MRS2: variants seen among roughly 807,000 people sequenced by gnomAD.
MRS2 encodes magnesium transporter MRS2 homolog, mitochondrial.
Under a neutral mutation model 52.6 loss-of-function variants are expected in MRS2, and 40 were observed. That is an observed-to-expected ratio of 0.76 (90% CI 0.59 to 0.99). The LOEUF (loss-of-function observed/expected upper bound fraction) is 0.99. Ranked by LOEUF, MRS2 falls within the 50% of genes least tolerant of loss-of-function variation. The pLI, the probability that MRS2 is intolerant of heterozygous loss-of-function variation, is 0.00. For synonymous variants in MRS2, 193 were observed against 195.9 expected, an observed-to-expected ratio of 0.98 and a Z score of 0.13; for missense variants, 472 against 532.7, an observed-to-expected ratio of 0.89 and a Z score of 1.12.
Position 24,425,935 on chromosome 6 carries a change from T to C in MRS2, c.*2241T>C, listed in dbSNP as rs979717960. 1 of 152,216 alleles carries C rather than the reference T, an allele frequency of 6.6e-6. No individual in the cohort carries two copies. The highest frequency in any genetic ancestry group is 2.4e-5 in the African/African-American group (1 of 41,462). 9.4% of individuals were successfully genotyped at this position (152,216 alleles called of 1,614,324 possible). Reference sequence around the variant, plus strand: ...TAAAGTTGCACGTTGGATTTAACTCTCATGACTTTAGTAATACCTACAGAG... The same window carrying C: ...TAAAGTTGCACGTTGGATTTAACTCCCATGACTTTAGTAATACCTACAGAG... On this transcript the variant is annotated 3_prime_UTR_variant, in exon 11 of 11. Coordinates refer to ENST00000378386, the MANE Select transcript of MRS2 (RefSeq NM_020662.4).
chr6:24,412,255 C>G lies in MRS2; in HGVS notation c.448C>G (p.Leu150Val), dbSNP rs776786340. ...LKAVITPECL[L>V]ILDYRNLNLE... ...AGCTGTGATAACTCCAGAGTGTCTT[C>G]TGATATTAGATTATCGTAATTTAAA... The change falls in exon 5 of 11, where the codon CTG becomes GTG. Residue 150 changes from leucine (L) to valine (V), a missense_variant. Leu to Val is a conservative substitution (Grantham distance 32). Transcript: ENST00000378386. The G allele has an allele frequency of 1.0e-5, 16 of 1,580,298 alleles. No individual in the cohort carries two copies. Among genetic ancestry groups the G allele is most frequent in the Non-Finnish European group, 1.3e-5 (15 of 1,166,278 alleles).
At chr6:24,423,266 C>A in intron 10 of MRS2, 1 of 526,064 alleles carries the variant, frequency 1.9e-6, no homozygotes, top group Non-Finnish European at 3.4e-6. Context: ...CACTTACTAG[C>A]ACACTGCCTA....
In MRS2 at chr6:24,422,658, A is replaced by T. The variant is rs180735487; in HGVS notation, c.1108-279A>T. ...GTGTCCTCTGGCATCATGACTTAAG[A>T]TTTGCACGCATGTAAACAAAGGCTG... On this transcript the variant is annotated intron_variant, in intron 9 of 10. Transcript: ENST00000378386. Among the ~76,000 whole-genome samples, 7 of 152,340 alleles carry T rather than the reference A, an allele frequency of 4.6e-5. No homozygotes were observed. In the East Asian group the frequency reaches 1.3e-3, roughly 29 times the overall value.
intron 5 of MRS2, 60 bp downstream of exon 5, chr6:24,412,455 G>A (rs775073203): frequency 9.6e-5 from 130 of 1,353,928 alleles, no homozygotes; most frequent in Non-Finnish European, 1.2e-4. Context: ...TCATTGAGTG[G>A]GAAGACAAGT....
In MRS2 at chr6:24,423,036, C is replaced by G. The variant is rs763497356; in HGVS notation, c.1207C>G (p.Pro403Ala). 2 of 1,613,536 alleles carry G rather than the reference C, an allele frequency of 1.2e-6. No homozygotes were observed. The highest frequency in any genetic ancestry group is 1.7e-6 in the Non-Finnish European group (2 of 1,179,494). ...ATTCCTTGGACGACAGCTAGAAGCTCCATTGCCTCCTATGGTATGAAGGAT... is the reference window on the plus strand; with the variant it reads ...ATTCCTTGGACGACAGCTAGAAGCTGCATTGCCTCCTATGGTATGAAGGAT... ...LSFLGRQLEA[P>A]LPPMMASLPK... is the part of the protein sequence containing the mutation. Residue 403 changes from proline to alanine, a missense_variant, in exon 10 of 11, where the codon CCA becomes GCA. Physicochemically the swap from Pro to Ala is conservative, Grantham distance 27 (BLOSUM62 -1). Transcript: ENST00000378386.
At position 24,418,093 on chromosome 6, in the gene MRS2, C is replaced by T; in HGVS notation, c.846C>T (p.Ser282=). ...TCTCTTTTAATTGAAGTGAAAAGAGCAGTGCTGGGATTGACCATGCAGAAG... is the reference window on the plus strand; with the variant it reads ...TCTCTTTTAATTGAAGTGAAAAGAGTAGTGCTGGGATTGACCATGCAGAAG... ...KWSDPQVFEK[S]SAGIDHAEEM... is the part of the protein sequence containing the mutation. Residue 282 remains serine, a synonymous_variant, in exon 8 of 11, where the codon AGC becomes AGT. Transcript: ENST00000378386. 5 of 1,605,694 alleles carry T rather than the reference C, an allele frequency of 3.1e-6. No homozygotes were observed. Among genetic ancestry groups the T allele is most frequent in the South Asian group, 1.1e-5 (1 of 88,940 alleles).
Position 24,412,360 on chromosome 6 carries a change from G to C in MRS2, c.553G>C (p.Glu185Gln). The C allele has an allele frequency of 6.3e-7, 1 of 1,592,960 alleles. No individual in the cohort carries two copies. The highest frequency in any genetic ancestry group is 1.2e-5 in the South Asian group (1 of 86,544). The change falls in exon 5 of 11, where the codon GAG (glutamate) becomes CAG (glutamine). Residue 185 changes from glutamate to glutamine, a missense_variant. Coordinates refer to ENST00000378386, the MANE Select transcript of MRS2 (RefSeq NM_020662.4). ...ACTCGTTACATACCCTTTACCTTTT[G>C]AGTTTAGAGCTATAGAAGCACTCCT... ...GQLVTYPLPFEFRAIEALLQY... is the reference protein window; with the variant it reads ...GQLVTYPLPFQFRAIEALLQY...
intron 4 of MRS2, among the ~76,000 whole-genome samples, chr6:24,411,578 C>T (rs540365735): frequency 1.1e-4 from 16 of 152,220 alleles, no homozygotes; most frequent in Middle Eastern, 3.4e-3. Context: ...CTCGCTCTGT[C>T]GCCAGGCTGG....
At chr6:24,418,371 G>A (rs1267595830) in intron 8 of MRS2, 90 bp from the exon 9 acceptor site, 13 of 1,548,656 alleles carry the variant, frequency 8.4e-6, no homozygotes, top group Non-Finnish European at 1.0e-5. Flanking sequence ...TGTTGTGTAG[G>A]TTTCATCCAT....
Position 24,418,878 on chromosome 6 carries a change from GAC to G in MRS2, c.1107+302_1107+303del, listed in dbSNP as rs377192963. On this transcript the variant is annotated intron_variant, in intron 9 of 10. Coordinates refer to ENST00000378386, the MANE Select transcript of MRS2 (RefSeq NM_020662.4). The stretch of plus-strand genomic sequence containing the variant: ...CGCGCCGTTGCACTCCAGCCTGGGA[GAC>G]AGAGTGAGACTCTGTCTCCAAAAAA... 233 of 203,698 alleles carry G rather than the reference GAC, an allele frequency of 1.1e-3. 2 individuals carry two copies. Among genetic ancestry groups the G allele is most frequent in the South Asian group, 0.01 (120 of 11,962 alleles). 12.6% of individuals were successfully genotyped at this position (203,698 alleles called of 1,614,324 possible).
At chr6:24,409,262 T>C (rs139397834) in intron 3 of MRS2, among the ~76,000 whole-genome samples, 199 bp from the exon 4 acceptor site, 7 of 152,182 alleles carry the variant, frequency 4.6e-5, no homozygotes, top group Admixed American at 3.9e-4. Context: ...GAGGTATAGA[T>C]AAGAAAATCA....
Position 24,426,079 on chromosome 6 carries a change from A to G in MRS2, c.*2385A>G, listed in dbSNP as rs991570004. 6.6e-6 allele frequency: 1 copy of G among 152,206 alleles called. No homozygotes were observed. Among genetic ancestry groups the G allele is most frequent in the African/African-American group, 2.4e-5 (1 of 41,448 alleles). 9.4% of individuals were successfully genotyped at this position (152,206 alleles called of 1,614,324 possible). A position where few individuals can be genotyped will look rare whatever the true frequency, so the allele number is the denominator to read the frequency against. On this transcript the variant is annotated 3_prime_UTR_variant, in exon 11 of 11. Coordinates refer to ENST00000378386, the MANE Select transcript of MRS2 (RefSeq NM_020662.4). ...GATACAAAGGCATAAAACAATTCCT[A>G]TCTTGAAGCCTTGAGAAAAGCTGTT...
intron 9 of MRS2, among the ~76,000 whole-genome samples, chr6:24,422,647 C>G (rs1762085916): frequency 6.6e-6 from 1 of 152,150 alleles, no homozygotes; most frequent in Non-Finnish European, 1.5e-5. Flanking sequence ...CCTCTGGCAT[C>G]ATGACTTAAG....
chr6:24,403,013 G>C lies in MRS2; in HGVS notation c.-34G>C, dbSNP rs746734164. ...GCCAGCGTCCGGCATGAAGGTCTGG[G>C]GTCTGGCTGCTGCCTGCTTCTTGCT... On this transcript the variant is annotated 5_prime_UTR_variant, in exon 1 of 11. Coordinates refer to ENST00000378386, the MANE Select transcript of MRS2 (RefSeq NM_020662.4). The C allele has an allele frequency of 6.5e-7, 1 of 1,548,644 alleles. No homozygotes were observed. Among genetic ancestry groups the C allele is most frequent in the Non-Finnish European group, 8.7e-7 (1 of 1,149,244 alleles).
chr6:24,404,819 G>A (rs1000426842), intron 1 of MRS2, among the ~76,000 whole-genome samples: 5 of 152,138 alleles, frequency 3.3e-5, no homozygotes, highest in African/African-American at 4.8e-5. Flanking sequence ...TAAATTATGC[G>A]AAAAGGAAGA....
At chr6:24,414,809 C>G (rs1159168319) in intron 5 of MRS2, among the ~76,000 whole-genome samples, 2 of 152,202 alleles carry the variant, frequency 1.3e-5, no homozygotes, top group Non-Finnish European at 2.9e-5. Context: ...AGCTCCTTGT[C>G]AACCAAATCT....
chr6:24,402,943 C>A lies in MRS2; in HGVS notation c.-104C>A. The A allele has an allele frequency of 9.1e-7, 1 of 1,101,814 alleles. No homozygotes were observed. Among genetic ancestry groups the A allele is most frequent in the Non-Finnish European group, 1.3e-6 (1 of 781,966 alleles). The allele number at this position is 1,101,814 out of a possible 1,614,324, so 68.3% of individuals were successfully genotyped here. A position where few individuals can be genotyped will look rare whatever the true frequency, so the allele number is the denominator to read the frequency against. ...CCCGCGCATGCCTGGTGCACAGAGT[C>A]TGCAGGTCGGGCGGTAGCGACAGGT... is the stretch of plus-strand genomic sequence containing the variant. On this transcript the variant is annotated 5_prime_UTR_variant, in exon 1 of 11. In the 5' UTR this introduces an upstream ATG that the reference lacks. Coordinates refer to ENST00000378386, the MANE Select transcript of MRS2 (RefSeq NM_020662.4).
chr6:24,414,308 T>C (rs1761764973), intron 5 of MRS2, among the ~76,000 whole-genome samples: 1 of 151,628 alleles, frequency 6.6e-6, no homozygotes. Flanking sequence ...CCTTCCGCAG[T>C]GTTTGTGTCC....
intron 9 of MRS2, among the ~76,000 whole-genome samples, chr6:24,422,690 A>T (rs79382553): frequency 0.12 from 18,677 of 152,240 alleles, 1,484 homozygotes; most frequent in East Asian, 0.16. Context: ...GCTGCAAAGA[A>T]ACACAAAGTA....
Sources: gnomAD v4.1 joint callset for allele counts (sites outside exome capture counted in the v4.1 genomes callset) on GRCh38, gnomAD v4.1.1 for gene constraint, MANE v1.5 for transcripts, NCBI Gene and HGNC (gene_info 2026-07-23, HGNC 2026-07-21) for gene names.